Variants in TNFAIP8 observed in about 807,000 individuals in gnomAD.
The protein encoded by TNFAIP8 is TNF alpha induced protein 8, also known as tumor necrosis factor alpha-induced protein 8.
In TNFAIP8, 7 loss-of-function variants were observed where a neutral mutation model predicts 13.3. That is an observed-to-expected ratio of 0.52 (90% CI 0.30 to 0.99). The LOEUF (loss-of-function observed/expected upper bound fraction) is 0.99. TNFAIP8 is among the 50% of genes least tolerant of loss of function. The pLI is 0.07. For missense variants in TNFAIP8, 258 were observed against 236.9 expected, an observed-to-expected ratio of 1.09 and a Z score of -0.58; for synonymous variants, 94 against 87.6, an observed-to-expected ratio of 1.07 and a Z score of -0.41.
rs542073914 is a variant in TNFAIP8, at chr5:119,289,164, C to G, written c.1+20257C>G. 3.3e-5 allele frequency among the ~76,000 whole-genome samples: 5 copies of G among 152,320 alleles called. No homozygotes were observed. In the South Asian group the frequency reaches 1.0e-3, roughly 32 times the overall value. ...TAGTGTATTTTATATCATGATCACA[C>G]CTTACTATACTTATTGTATACAATC... On this transcript the variant is annotated intron_variant, in intron 1 of 1. Coordinates refer to the TNFAIP8 transcript ENST00000274456.
intron 1 of TNFAIP8, among the ~76,000 whole-genome samples, chr5:119,326,646 G>A (rs1404514831): frequency 6.6e-6 from 1 of 152,142 alleles, no homozygotes; most frequent in African/African-American, 2.4e-5. Flanking sequence ...AAGGGTGATC[G>A]GGCTGTGCTT....
intron 1 of TNFAIP8, among the ~76,000 whole-genome samples, chr5:119,308,276 A>G (rs1581592035): frequency 6.6e-6 from 1 of 152,110 alleles, no homozygotes. Context: ...TCCTAGGGGA[A>G]TCTGTATCAT....
At chr5:119,374,653 T>A (rs1433222627) in intron 1 of TNFAIP8, among the ~76,000 whole-genome samples, 1 of 152,182 alleles carries the variant, frequency 6.6e-6, no homozygotes, top group Non-Finnish European at 1.5e-5. Flanking sequence ...TGCAAAGTGA[T>A]TCAGAATGGT....
rs1022312303 is a variant in TNFAIP8, at chr5:119,397,926, C to T, written c.*4545C>T. 3.9e-5 allele frequency: 6 copies of T among 152,186 alleles called. No individual in the cohort carries two copies. Among genetic ancestry groups the T allele is most frequent in the African/African-American group, 1.4e-4 (6 of 41,438 alleles). The allele number at this position is 152,186 out of a possible 1,614,324, so 9.4% of individuals were successfully genotyped here. ...TTCTGTCTCACCAAAGATGTGTTTT[C>T]CACGTAGCAAAGAACATCAGCCCCA... On this transcript the variant is annotated 3_prime_UTR_variant, in exon 2 of 2. Transcript: ENST00000504771.
intron 1 of TNFAIP8, among the ~76,000 whole-genome samples, chr5:119,291,000 G>A (rs971323291): frequency 6.6e-6 from 1 of 152,166 alleles, no homozygotes; most frequent in African/African-American, 2.4e-5. Context: ...GAAGGTTTTT[G>A]AGCAGGCAAC....
chr5:119,315,768 C>T (rs1380757720), intron 1 of TNFAIP8, among the ~76,000 whole-genome samples: 1 of 152,130 alleles, frequency 6.6e-6, no homozygotes, highest in East Asian at 1.9e-4. Flanking sequence ...CTGGTAGTGT[C>T]GTCTATCTGA....
chr5:119,295,250 AGTCTAACGTTAGACCTATAGGTCTAACG>A (rs1749138216), intron 1 of TNFAIP8, among the ~76,000 whole-genome samples: 1 of 67,088 alleles, frequency 1.5e-5, no homozygotes, highest in Non-Finnish European at 2.8e-5. Context: ...TCTAACGTTT[AGTCTAACGTTAGACCTATAGGTCTAACG>A]TTTAATCCAT....
intron 1 of TNFAIP8, chr5:119,333,309 T>A (rs1184706661): frequency 8.4e-7 from 1 of 1,186,878 alleles, no homozygotes; most frequent in Non-Finnish European, 1.0e-6. Flanking sequence ...GGACTCACAA[T>A]TAAAGGCTAC....
At position 119,350,789 on chromosome 5, in the gene TNFAIP8, A is replaced by C. The variant is rs373127364; in HGVS notation, c.2-42027A>C. Among the ~76,000 whole-genome samples the C allele has an allele frequency of 3.3e-3, 506 of 152,226 alleles. 2 individuals are homozygous for C. Among genetic ancestry groups the C allele is most frequent in the African/African-American group, 0.012 (494 of 41,528 alleles). On this transcript the variant is annotated intron_variant, in intron 1 of 1. Transcript: ENST00000274456. ...GAGGAGAGGGATTACCCATAACTTCAAACTCCCAGGACTGGCCACCAGTGG... is the reference window on the plus strand; with the variant it reads ...GAGGAGAGGGATTACCCATAACTTCCAACTCCCAGGACTGGCCACCAGTGG...
chr5:119,345,598 C>T (rs187131723), intron 1 of TNFAIP8, among the ~76,000 whole-genome samples: 24 of 152,290 alleles, frequency 1.6e-4, no homozygotes, highest in Admixed American at 1.3e-3. Context: ...TGAGATAAGC[C>T]ATCACAAAAA....
rs1017009919 is a variant in TNFAIP8, at chr5:119,388,796, C to G, written c.32-4020C>G. On this transcript the variant is annotated intron_variant, in intron 1 of 1. Coordinates refer to ENST00000504771, the MANE Select transcript of TNFAIP8 (RefSeq NM_014350.4). The stretch of plus-strand genomic sequence containing the variant: ...TGAGCAAATAGGACTACATGCCCAG[C>G]TATTTTTTTTTTTTTTTGAGTTTTT... Among the ~76,000 whole-genome samples, 3 of 130,608 alleles carry G rather than the reference C, an allele frequency of 2.3e-5. No homozygotes were observed. In the East Asian group the frequency reaches 5.9e-4, roughly 26 times the overall value. The allele number at this position is 130,608 out of a possible 152,430, so 85.7% of individuals were successfully genotyped here. A position where few individuals can be genotyped will look rare whatever the true frequency, so the allele number is the denominator to read the frequency against.
intron 1 of TNFAIP8, among the ~76,000 whole-genome samples, chr5:119,383,764 C>G (rs1752572805): frequency 6.6e-6 from 1 of 152,082 alleles, no homozygotes; most frequent in African/African-American, 2.4e-5. Flanking sequence ...TGAGAAAGAG[C>G]TTTTCCATTC....
intron 1 of TNFAIP8, among the ~76,000 whole-genome samples, chr5:119,346,357 A>G (rs1750901632): frequency 6.6e-6 from 1 of 152,190 alleles, no homozygotes. Context: ...GCCTGCAGAA[A>G]GAGTGTACCG....
exon 1 of TNFAIP8, chr5:119,268,892 C>A: frequency 1.4e-6 from 1 of 701,946 alleles, no homozygotes; most frequent in South Asian, 1.5e-5. Context: ...CCGGCGCCGT[C>A]GCGCCACTCC....
At chr5:119,330,970 G>A (rs1455460587) in intron 1 of TNFAIP8, among the ~76,000 whole-genome samples, 1 of 152,072 alleles carries the variant, frequency 6.6e-6, no homozygotes, top group Non-Finnish European at 1.5e-5. Flanking sequence ...AAGGCCAAGA[G>A]CCAACTATAT....
At position 119,370,817 on chromosome 5, in the gene TNFAIP8, C is replaced by T. The variant is rs1021616902; in HGVS notation, c.31+14696C>T. 2.6e-5 allele frequency among the ~76,000 whole-genome samples: 4 copies of T among 152,200 alleles called. No homozygotes were observed. In the East Asian group the frequency reaches 7.7e-4, roughly 29 times the overall value. On this transcript the variant is annotated intron_variant, in intron 1 of 1. Transcript: ENST00000504771. ...AGAAAATATGACCCAGTGCCTAACC[C>T]GTTGATACTTTATTAGATGCCATTA...
In TNFAIP8 at chr5:119,286,601, G is replaced by A. The variant is rs955600407; in HGVS notation, c.1+17694G>A. On this transcript the variant is annotated intron_variant, in intron 1 of 1. Coordinates refer to the TNFAIP8 transcript ENST00000274456. ...TGAGCCCCTGTGCTCCAGCCAGGGC[G>A]ACAGAGCAAGACTCCCTCTCAAAAA... Among the ~76,000 whole-genome samples, 4 of 143,068 alleles carry A rather than the reference G, an allele frequency of 2.8e-5. No individual in the cohort carries two copies. The East Asian group carries it at 6.3e-4, about 22-fold the overall frequency. The allele number at this position is 143,068 out of a possible 152,430, so 93.9% of individuals were successfully genotyped here. A position where few individuals can be genotyped will look rare whatever the true frequency, so the allele number is the denominator to read the frequency against.
intron 1 of TNFAIP8, among the ~76,000 whole-genome samples, chr5:119,347,944 A>G (rs987456475): frequency 6.6e-6 from 1 of 152,252 alleles, no homozygotes; most frequent in African/African-American, 2.4e-5. Flanking sequence ...AGACTTTCAA[A>G]TAGATCTCAG....
In TNFAIP8 at chr5:119,314,212, A is replaced by G. The variant is rs76850121; in HGVS notation, c.1+45305A>G. On this transcript the variant is annotated intron_variant, in intron 1 of 1. Coordinates refer to the TNFAIP8 transcript ENST00000274456. The stretch of plus-strand genomic sequence containing the variant: ...AAACAAACAAACAAACAAAAAAACC[A>G]TGTCTGTCGTCTGTTTTGTTCATTT... 6.3e-3 allele frequency among the ~76,000 whole-genome samples: 964 copies of G among 152,130 alleles called. 14 individuals are homozygous for G. The highest frequency in any genetic ancestry group is 0.063 in the East Asian group (327 of 5,186).
Sources: gnomAD v4.1 joint callset for allele counts (sites outside exome capture counted in the v4.1 genomes callset) on GRCh38, gnomAD v4.1.1 for gene constraint, MANE v1.5 for transcripts, NCBI Gene and HGNC (gene_info 2026-07-23, HGNC 2026-07-21) for gene names.